PTPN14: variants seen among roughly 807,000 people sequenced by gnomAD.
The protein encoded by PTPN14 is tyrosine-protein phosphatase non-receptor type 14.
Under a neutral mutation model 126.8 loss-of-function variants are expected in PTPN14, and 53 were observed. That is an observed-to-expected ratio of 0.42 (90% confidence interval 0.34 to 0.53). The LOEUF (loss-of-function observed/expected upper bound fraction) is 0.53, where lower values mean the gene tolerates loss of function less well. PTPN14 is among the 20% of genes least tolerant of loss of function. The pLI, the probability that PTPN14 is intolerant of heterozygous loss-of-function variation, is 0.08. For synonymous variants in PTPN14, 630 were observed against 599.3 expected (o/e 1.05, Z -0.75); for missense variants, 1,257 against 1,552.9 (o/e 0.81, Z 3.20).
At chr1:214,501,551 G>A (rs1393820177) in intron 1 of PTPN14, among the ~76,000 whole-genome samples, 3 of 152,124 alleles carry the variant, frequency 2.0e-5, no homozygotes, top group African/African-American at 7.2e-5. Context: ...CCAAAACAGA[G>A]TAAGTATTCT....
intron 1 of PTPN14, among the ~76,000 whole-genome samples, chr1:214,493,539 A>T (rs981166710): frequency 6.6e-6 from 1 of 152,208 alleles, no homozygotes; most frequent in African/African-American, 2.4e-5. Context: ...AATTAAAAAT[A>T]AAAAAGTATT....
intron 3 of PTPN14, among the ~76,000 whole-genome samples, chr1:214,430,785 CCTT>C (rs1401066069): frequency 1.3e-5 from 2 of 152,178 alleles, no homozygotes; most frequent in African/African-American, 2.4e-5. Flanking sequence ...CAAAGCTCCT[CCTT>C]ATCATTCCAC....
intron 10 of PTPN14, among the ~76,000 whole-genome samples, chr1:214,392,324 AG>A (rs1658774946): frequency 1.3e-5 from 2 of 152,198 alleles, no homozygotes; most frequent in South Asian, 4.1e-4. Context: ...AGCAGAATTG[AG>A]AAACAGAATT....
chr1:214,369,398 A>C, intron 17 of PTPN14, 59 bp downstream of exon 17: 1 of 1,493,706 alleles, frequency 6.7e-7, no homozygotes. Context: ...CAACAGATGA[A>C]TTATTGACAC....
chr1:214,472,473 G>C (rs897683758), intron 1 of PTPN14, among the ~76,000 whole-genome samples: 6 of 152,098 alleles, frequency 3.9e-5, no homozygotes, highest in Non-Finnish European at 8.8e-5. Flanking sequence ...CCCTTTTCTT[G>C]TAAGTTACCC....
chr1:214,377,644 T>C (rs1267527016), intron 14 of PTPN14, among the ~76,000 whole-genome samples: 1 of 152,154 alleles, frequency 6.6e-6, no homozygotes, highest in East Asian at 1.9e-4. Context: ...GTGTTTAACT[T>C]GTGCATTTTA....
chr1:214,360,848 A>AGTGTTGGG (rs1341448303), intron 18 of PTPN14, among the ~76,000 whole-genome samples: 3 of 152,152 alleles, frequency 2.0e-5, no homozygotes, highest in Admixed American at 6.5e-5. Flanking sequence ...GGAAATCCCC[A>AGTGTTGGG]GTGTTGGGGG....
At chr1:214,505,179 AG>A (rs1229252760) in intron 1 of PTPN14, among the ~76,000 whole-genome samples, 1 of 140,622 alleles carries the variant, frequency 7.1e-6, no homozygotes, top group Non-Finnish European at 1.5e-5. Flanking sequence ...AATACCCGCC[AG>A]GGAAAAAAAA....
intron 2 of PTPN14, among the ~76,000 whole-genome samples, chr1:214,463,945 G>C (rs969805004): frequency 9.2e-5 from 14 of 152,186 alleles, no homozygotes; most frequent in Admixed American, 8.5e-4. Context: ...ACTGAAAAAA[G>C]AAGGGCTTGG....
chr1:214,386,399 A>C (rs951412161), intron 12 of PTPN14, among the ~76,000 whole-genome samples: 2 of 152,228 alleles, frequency 1.3e-5, no homozygotes, highest in African/African-American at 4.8e-5. Context: ...AAGGGGCTGG[A>C]GAAAGAGATG....
chr1:214,387,497 T>C (rs2102543975), intron 11 of PTPN14, among the ~76,000 whole-genome samples: 1 of 151,986 alleles, frequency 6.6e-6, no homozygotes, highest in East Asian at 1.9e-4. Flanking sequence ...GGCAACAGAT[T>C]GAGACTTCGT....
chr1:214,406,824 T>C (rs773756751), intron 5 of PTPN14, among the ~76,000 whole-genome samples: 1 of 152,212 alleles, frequency 6.6e-6, no homozygotes, highest in African/African-American at 2.4e-5. Flanking sequence ...ATAAATATCA[T>C]GCTGGTAATC....
At chr1:214,534,834 G>A (rs1489895441) in intron 1 of PTPN14, among the ~76,000 whole-genome samples, 1 of 152,138 alleles carries the variant, frequency 6.6e-6, no homozygotes, top group Non-Finnish European at 1.5e-5. Context: ...TGTGGGATGA[G>A]TGGAAGTCCT....
chr1:214,474,247 A>G (rs1024749772), intron 1 of PTPN14, among the ~76,000 whole-genome samples: 1 of 152,218 alleles, frequency 6.6e-6, no homozygotes, highest in African/African-American at 2.4e-5. Context: ...ACAGCCAAAA[A>G]CCAAGAAATG....
Position 214,407,363 on chromosome 1 carries a change from C to T in PTPN14, c.510+4321G>A, listed in dbSNP as rs369456381. Reference sequence around the variant, plus strand: ...AACATGGTGAAACCCCCCGTCTCTACTAAAAATACAAAAAATTAGCTGGGC... The same window carrying T: ...AACATGGTGAAACCCCCCGTCTCTATTAAAAATACAAAAAATTAGCTGGGC... On this transcript the variant is annotated intron_variant, in intron 5 of 18. Coordinates refer to ENST00000366956, the MANE Select transcript of PTPN14 (RefSeq NM_005401.5). Among the ~76,000 whole-genome samples, 130 of 152,092 alleles carry T rather than the reference C, an allele frequency of 8.5e-4. 3 individuals carry two copies. In the South Asian group the frequency reaches 0.026, roughly 30 times the overall value.
At chr1:214,438,944 G>A (rs370172882) in intron 3 of PTPN14, among the ~76,000 whole-genome samples, 12 of 152,320 alleles carry the variant, frequency 7.9e-5, no homozygotes, top group African/African-American at 2.6e-4. Context: ...ATCATCTCCT[G>A]ATTCTAAACA....
chr1:214,437,791 A>G (rs1659952984), intron 3 of PTPN14, among the ~76,000 whole-genome samples: 1 of 152,126 alleles, frequency 6.6e-6, no homozygotes, highest in South Asian at 2.1e-4. Flanking sequence ...GTTCCCCAAA[A>G]TCCCCCCTGA....
intron 2 of PTPN14, among the ~76,000 whole-genome samples, chr1:214,455,240 C>G (rs1327785250): frequency 1.3e-5 from 2 of 152,226 alleles, no homozygotes; most frequent in African/African-American, 4.8e-5. Flanking sequence ...CCCCACCAGG[C>G]TGGTTTGTGG....
chr1:214,422,575 A>G (rs567587281), intron 3 of PTPN14, among the ~76,000 whole-genome samples: 4 of 152,326 alleles, frequency 2.6e-5, no homozygotes, highest in African/African-American at 9.6e-5. Flanking sequence ...AACTCAAATT[A>G]TATCTGGAAG....
Sources: gnomAD v4.1 joint callset for allele counts (sites outside exome capture counted in the v4.1 genomes callset) on GRCh38, gnomAD v4.1.1 for gene constraint, MANE v1.5 for transcripts, NCBI Gene and HGNC (gene_info 2026-07-23, HGNC 2026-07-21) for gene names.